The following RUNDC3B variants were observed in gnomAD, a reference collection of about 807,000 sequenced individuals.
The protein encoded by RUNDC3B is RUN domain containing 3B.
In RUNDC3B, 33 loss-of-function variants were observed where a neutral mutation model predicts 58.4. The ratio of observed to expected loss-of-function variants is 0.56; its 90% CI spans 0.43 to 0.75. RUNDC3B has a LOEUF of 0.75. Among genes scored for constraint, RUNDC3B ranks in the 30% least tolerant of loss-of-function variants. The probability of loss-of-function intolerance (pLI) is 0.00; values close to 1 mark genes in which losing one functional copy is unlikely to be tolerated. For synonymous variants in RUNDC3B, 193 were observed against 195.2 expected (o/e 0.99, Z 0.10); for missense variants, 501 against 535.7 (o/e 0.94, Z 0.64).
chr7:87,704,642 T>C (rs887710782), intron 3 of RUNDC3B, among the ~76,000 whole-genome samples: 1 of 152,338 alleles, frequency 6.6e-6, no homozygotes, highest in East Asian at 1.9e-4. Context: ...AGTACTGGTA[T>C]TGAGAATCAA....
intron 6 of RUNDC3B, among the ~76,000 whole-genome samples, chr7:87,755,027 C>CTT (rs200129505): frequency 3.2e-4 from 44 of 136,784 alleles, no homozygotes; most frequent in African/African-American, 8.2e-4. Flanking sequence ...GATACAATTT[C>CTT]TTTTTTTTTT....
intron 8 of RUNDC3B, among the ~76,000 whole-genome samples, chr7:87,803,247 C>T (rs1053025696): frequency 6.6e-6 from 1 of 151,866 alleles, no homozygotes; most frequent in Non-Finnish European, 1.5e-5. Flanking sequence ...GCTCTTTGAA[C>T]CTTAACTGAA....
chr7:87,676,283 A>C lies in RUNDC3B; in HGVS notation c.239-24138A>C, dbSNP rs191029451. Reference sequence around the variant, plus strand: ...TGCAAAGCAAAGGAAACAATCCACAAAATGAAAAGGCAACTTACAGAATGA... The same window carrying C: ...TGCAAAGCAAAGGAAACAATCCACACAATGAAAAGGCAACTTACAGAATGA... On this transcript the variant is annotated intron_variant, in intron 2 of 10. Transcript: ENST00000394654. Among the ~76,000 whole-genome samples, 874 of 152,282 alleles carry C rather than the reference A, an allele frequency of 5.7e-3. 40 individuals are homozygous for C. The highest frequency in any genetic ancestry group is 0.055 in the Admixed American group (838 of 15,300).
intron 5 of RUNDC3B, among the ~76,000 whole-genome samples, chr7:87,740,551 A>G (rs1041535489): frequency 6.6e-6 from 1 of 152,192 alleles, no homozygotes; most frequent in Admixed American, 6.5e-5. Context: ...AGGAAATATT[A>G]TATTTTTATT....
intron 10 of RUNDC3B, among the ~76,000 whole-genome samples, chr7:87,819,374 C>G (rs1837273875): frequency 6.6e-6 from 1 of 152,046 alleles, no homozygotes; most frequent in African/African-American, 2.4e-5. Context: ...CAGGAGCACC[C>G]AGATTCATAA....
In RUNDC3B at chr7:87,702,173, CAG is replaced by C. The variant is rs1404391727; in HGVS notation, c.372+1623_372+1624del. 3.1e-3 allele frequency among the ~76,000 whole-genome samples: 221 copies of C among 71,182 alleles called. 2 individuals carry two copies. Among genetic ancestry groups the C allele is most frequent in the Non-Finnish European group, 4.2e-3 (144 of 34,544 alleles). The allele number at this position is 71,182 out of a possible 152,430, so 46.7% of individuals were successfully genotyped here. ...AAAAAAAAAAAAAAAAAAAAAAAAA[CAG>C]AGATACTTTTCTCACTAATTTTTTT... On this transcript the variant is annotated intron_variant, in intron 3 of 10. Coordinates refer to ENST00000394654, the MANE Select transcript of RUNDC3B (RefSeq NM_001134405.2).
intron 2 of RUNDC3B, among the ~76,000 whole-genome samples, chr7:87,699,946 G>T (rs999587375): frequency 6.6e-6 from 1 of 152,024 alleles, no homozygotes; most frequent in Admixed American, 6.6e-5. Context: ...ACAACACATT[G>T]TATACCTTTT....
chr7:87,772,117 A>G (rs1834315902), intron 7 of RUNDC3B, among the ~76,000 whole-genome samples: 1 of 152,344 alleles, frequency 6.6e-6, no homozygotes, highest in South Asian at 2.1e-4. Flanking sequence ...AAGAACATAG[A>G]TAATAGTTAA....
At chr7:87,773,877 G>A (rs149040276) in intron 7 of RUNDC3B, among the ~76,000 whole-genome samples, 1,549 of 151,726 alleles carry the variant, frequency 0.01, 12 homozygotes, top group Non-Finnish European at 0.013. Flanking sequence ...GGGGTTTCAC[G>A]ACGTTGGCTA....
intron 4 of RUNDC3B, among the ~76,000 whole-genome samples, chr7:87,713,778 A>T (rs1830304210): frequency 6.6e-6 from 1 of 152,154 alleles, no homozygotes; most frequent in South Asian, 2.1e-4. Flanking sequence ...GCTAAAAAAT[A>T]ATTAGTAAAT....
chr7:87,665,499 G>T (rs1394384466), intron 2 of RUNDC3B, among the ~76,000 whole-genome samples: 2 of 152,052 alleles, frequency 1.3e-5, no homozygotes, highest in African/African-American at 4.8e-5. Flanking sequence ...ATTGTTAAAT[G>T]TCCATACTAC....
intron 2 of RUNDC3B, among the ~76,000 whole-genome samples, chr7:87,673,147 A>AT (rs1327706836): frequency 4.6e-5 from 7 of 151,838 alleles, no homozygotes; most frequent in African/African-American, 1.5e-4. Flanking sequence ...TGCCTTTAAC[A>AT]TTTTTTCTTT....
At chr7:87,669,467 T>C (rs562238845) in intron 2 of RUNDC3B, among the ~76,000 whole-genome samples, 7 of 152,340 alleles carry the variant, frequency 4.6e-5, no homozygotes, top group African/African-American at 1.7e-4. Flanking sequence ...ATTTAGCCCA[T>C]TTACTTTCAA....
At chr7:87,706,692 G>A (rs1257561955) in intron 3 of RUNDC3B, among the ~76,000 whole-genome samples, 1 of 152,190 alleles carries the variant, frequency 6.6e-6, no homozygotes, top group Admixed American at 6.5e-5. Context: ...AGACTAAGCA[G>A]AAAGTTGTGG....
intron 4 of RUNDC3B, among the ~76,000 whole-genome samples, chr7:87,715,003 T>G (rs1830430264): frequency 6.6e-6 from 1 of 151,786 alleles, no homozygotes; most frequent in African/African-American, 2.4e-5. Context: ...GTATTTACAA[T>G]AATTAGGAGC....
chr7:87,756,445 A>G (rs1833380090), intron 6 of RUNDC3B, among the ~76,000 whole-genome samples: 1 of 152,028 alleles, frequency 6.6e-6, no homozygotes, highest in South Asian at 2.1e-4. Flanking sequence ...TACCTTACTA[A>G]TATTTTTTCA....
At chr7:87,750,736 T>C (rs1172833869) in intron 6 of RUNDC3B, among the ~76,000 whole-genome samples, 2 of 151,230 alleles carry the variant, frequency 1.3e-5, no homozygotes, top group East Asian at 1.9e-4. Context: ...GTTTGTTTTT[T>C]TCTTGTAAAT....
At chr7:87,824,758 G>A (rs1304990678) in intron 10 of RUNDC3B, among the ~76,000 whole-genome samples, 2 of 152,182 alleles carry the variant, frequency 1.3e-5, no homozygotes, top group Non-Finnish European at 1.5e-5. Flanking sequence ...GTCTCAGATG[G>A]AGATGAAGAA....
chr7:87,828,294 G>T (rs1480405326), intron 10 of RUNDC3B, among the ~76,000 whole-genome samples: 1 of 152,028 alleles, frequency 6.6e-6, no homozygotes, highest in Non-Finnish European at 1.5e-5. Context: ...TGATGCTGAG[G>T]TTTAGGGTAC....
Sources: allele counts gnomAD v4.1 joint callset (sites outside exome capture counted in the v4.1 genomes callset), GRCh38; gene constraint gnomAD v4.1.1; transcripts MANE v1.5; gene names NCBI Gene and HGNC (gene_info 2026-07-23, HGNC 2026-07-21).